The following ITPR1 variants were observed in gnomAD, a reference collection of about 807,000 sequenced individuals.
ITPR1 encodes inositol 1,4,5-trisphosphate receptor type 1.
A neutral mutation model predicts 318.4 loss-of-function variants in ITPR1; 96 were observed. The observed-to-expected ratio is 0.30, with a 90% confidence interval of 0.26 to 0.36. ITPR1 has a LOEUF of 0.36. ITPR1 is among the 10% of genes least tolerant of loss of function. The pLI is 1.00. For missense variants in ITPR1, 2,440 were observed against 3,460.2 expected, an observed-to-expected ratio of 0.71 and a Z score of 7.40; for synonymous variants, 1,312 against 1,289.9, an observed-to-expected ratio of 1.02 and a Z score of -0.37.
intron 4 of ITPR1, among the ~76,000 whole-genome samples, chr3:4,593,060 G>A (rs943030528): frequency 7.2e-5 from 11 of 152,190 alleles, no homozygotes; most frequent in Admixed American, 5.9e-4. Context: ...GAACTTGCTC[G>A]AAGTCAGGAG....
chr3:4,529,171 C>T (rs919953166), intron 4 of ITPR1, among the ~76,000 whole-genome samples: 2 of 152,124 alleles, frequency 1.3e-5, no homozygotes. Flanking sequence ...TTTTTGCATA[C>T]CTGAGTCACC....
intron 4 of ITPR1, among the ~76,000 whole-genome samples, chr3:4,581,019 G>A (rs1020131287): frequency 6.6e-6 from 1 of 152,104 alleles, no homozygotes; most frequent in Non-Finnish European, 1.5e-5. Context: ...TAATTGTGTT[G>A]ACCTGGGATA....
intron 5 of ITPR1, among the ~76,000 whole-genome samples, chr3:4,630,993 A>G (rs1167564861): frequency 2.0e-5 from 3 of 152,184 alleles, no homozygotes; most frequent in Admixed American, 6.5e-5. Flanking sequence ...AAGAGTTCTG[A>G]TTCATTTTAT....
intron 61 of ITPR1, among the ~76,000 whole-genome samples, chr3:4,845,615 AT>A (rs1329377786): frequency 3.9e-5 from 6 of 151,902 alleles, no homozygotes; most frequent in Non-Finnish European, 8.8e-5. Context: ...CCTCAAAGAG[AT>A]TTGAGAACAT....
chr3:4,685,517 T>C (rs1185462784), intron 30 of ITPR1, among the ~76,000 whole-genome samples: 2 of 152,236 alleles, frequency 1.3e-5, no homozygotes, highest in South Asian at 4.1e-4. Context: ...TATCTACCCA[T>C]GAGTTGGTGT....
intron 52 of ITPR1, among the ~76,000 whole-genome samples, chr3:4,789,474 G>A (rs1370762859): frequency 6.6e-6 from 1 of 152,196 alleles, no homozygotes; most frequent in African/African-American, 2.4e-5. Context: ...GGGAGACATA[G>A]ACCCCACCCA....
At chr3:4,665,878 A>G (rs1021051083) in intron 17 of ITPR1, among the ~76,000 whole-genome samples, 4 of 152,178 alleles carry the variant, frequency 2.6e-5, no homozygotes, top group Non-Finnish European at 5.9e-5. Flanking sequence ...TGAGAACTAT[A>G]TTGCTACATC....
chr3:4,604,240 G>T (rs993652607), intron 4 of ITPR1, among the ~76,000 whole-genome samples: 5 of 152,232 alleles, frequency 3.3e-5, no homozygotes, highest in Admixed American at 2.6e-4. Flanking sequence ...TTCTGTGCTG[G>T]CAAGGCTCTT....
intron 54 of ITPR1, among the ~76,000 whole-genome samples, chr3:4,804,864 A>T (rs984222212): frequency 6.6e-6 from 1 of 152,138 alleles, no homozygotes; most frequent in African/African-American, 2.4e-5. Flanking sequence ...ACTTACACCG[A>T]CCTACCAGAT....
intron 44 of ITPR1, among the ~76,000 whole-genome samples, chr3:4,740,330 C>A (rs550764608): frequency 6.6e-6 from 1 of 152,278 alleles, no homozygotes; most frequent in African/African-American, 2.4e-5. Context: ...CCCTTCTTTG[C>A]AAAAGTGTTG....
In ITPR1 at chr3:4,684,366, C is replaced by A. The variant is rs766000930; in HGVS notation, c.3564+20C>A. ...AAAGAGGTAAGCTCCTCCCCCACCA[C>A]CATTTTTCCTTTCTTTATGAATTCT... On this transcript the variant is annotated intron_variant, in intron 29 of 61. Coordinates refer to ENST00000649015, the MANE Select transcript of ITPR1 (RefSeq NM_001378452.1). 1.3e-6 allele frequency: 2 copies of A among 1,570,538 alleles called. No homozygotes were observed. The highest frequency in any genetic ancestry group is 1.8e-6 in the Non-Finnish European group (2 of 1,142,128).
chr3:4,787,047 T>G (rs1224771737), intron 51 of ITPR1, among the ~76,000 whole-genome samples: 1 of 152,078 alleles, frequency 6.6e-6, no homozygotes, highest in Admixed American at 6.5e-5. Flanking sequence ...TAAATAAAAT[T>G]AAATATTCTG....
At chr3:4,524,548 T>C (rs2082827582) in intron 4 of ITPR1, among the ~76,000 whole-genome samples, 1 of 152,142 alleles carries the variant, frequency 6.6e-6, no homozygotes, top group Non-Finnish European at 1.5e-5. Flanking sequence ...AATGGGATGA[T>C]GGAGTCTTTA....
chr3:4,807,147 ACTTACAAAGAGAGGGGGG>A (rs1285592142), intron 55 of ITPR1, among the ~76,000 whole-genome samples: 1,782 of 5,110 alleles, frequency 0.35, 133 homozygotes, highest in Middle Eastern at 0.5. Context: ...GAGAGGGGGG[ACTTACAAAGAGAGGGGGG>A]CTTACAAAGA....
chr3:4,816,635 C>T (rs1020823990), intron 59 of ITPR1, among the ~76,000 whole-genome samples: 4 of 152,184 alleles, frequency 2.6e-5, no homozygotes, highest in Non-Finnish European at 5.9e-5. Flanking sequence ...GCAATCTGCC[C>T]GTTTTAGCTT....
chr3:4,726,623 T>C (rs892594631), intron 41 of ITPR1, among the ~76,000 whole-genome samples: 3 of 152,208 alleles, frequency 2.0e-5, no homozygotes, highest in African/African-American at 7.2e-5. Flanking sequence ...AATATCCTAA[T>C]CAGAGCTCCT....
At chr3:4,833,016 G>A (rs1013956493) in intron 60 of ITPR1, among the ~76,000 whole-genome samples, 4 of 152,208 alleles carry the variant, frequency 2.6e-5, no homozygotes, top group South Asian at 2.1e-4. Context: ...AGACCTGGCC[G>A]GTGACCACAG....
rs574402733 is a variant in ITPR1, at chr3:4,676,693, C to T, written c.2859C>T (p.Pro953=). The change falls in exon 24 of 62, where the codon CCC becomes CCT. Residue 953 remains proline, a synonymous_variant. Transcript: ENST00000649015. ...QVVLRGGGFL[P]MTPMAAAPEG... ...TGCTCCGGGGAGGAGGCTTTTTGCC[C>T]ATGACTCCCATGGCTGCTGCCCCTG... 64 of 1,613,626 alleles carry T rather than the reference C, an allele frequency of 4.0e-5. No individual in the cohort carries two copies. Among genetic ancestry groups the T allele is most frequent in the East Asian group, 2.5e-4 (11 of 44,852 alleles).
chr3:4,601,316 C>G (rs2091262868), intron 4 of ITPR1, among the ~76,000 whole-genome samples: 2 of 150,912 alleles, frequency 1.3e-5, no homozygotes, highest in South Asian at 4.2e-4. Context: ...CCCAGGAGTT[C>G]GAACCCAGCC....
Sources: gnomAD v4.1 joint callset for allele counts (sites outside exome capture counted in the v4.1 genomes callset) on GRCh38, gnomAD v4.1.1 for gene constraint, MANE v1.5 for transcripts, NCBI Gene and HGNC (gene_info 2026-07-23, HGNC 2026-07-21) for gene names.